SOX6: variants seen among roughly 807,000 people sequenced by gnomAD.
SOX6 encodes transcription factor SOX-6.
In SOX6, 11 loss-of-function variants were observed where a neutral mutation model predicts 97.8. That is an observed-to-expected ratio of 0.11 (90% CI 0.07 to 0.19). The LOEUF (loss-of-function observed/expected upper bound fraction) is 0.19, where lower values mean the gene tolerates loss of function less well. SOX6 is among the 10% of genes least tolerant of loss of function. The pLI, the probability that SOX6 is intolerant of heterozygous loss-of-function variation, is 1.00. For synonymous variants in SOX6, 360 were observed against 371.4 expected, an observed-to-expected ratio of 0.97 and a Z score of 0.35; for missense variants, 810 against 1,039.5, an observed-to-expected ratio of 0.78 and a Z score of 3.04.
intron 4 of SOX6, chr11:16,484,089 T>G: frequency 1.3e-6 from 1 of 770,098 alleles, no homozygotes; most frequent in Non-Finnish European, 2.4e-6. Context: ...GGACTTAACT[T>G]CTCCTGAATG....
intron 3 of SOX6, among the ~76,000 whole-genome samples, chr11:16,641,920 T>C (rs1204821012): frequency 6.6e-6 from 1 of 152,240 alleles, no homozygotes; most frequent in African/African-American, 2.4e-5. Flanking sequence ...AAGGTTAATA[T>C]TGTTATGTGT....
rs906892876 is a variant in SOX6 at position 16,538,098 on chromosome 11, G to T, written n.610-61710C>A. ...AGAGAAAGGTCGGGTTACCCACAAAGGGAAGCCCATAAGACTAACAGCAGA... is the reference window on the plus strand; with the variant it reads ...AGAGAAAGGTCGGGTTACCCACAAATGGAAGCCCATAAGACTAACAGCAGA... On this transcript the variant is annotated intron_variant and non_coding_transcript_variant, in intron 4 of 5. Coordinates refer to the SOX6 transcript ENST00000524520. Among the ~76,000 whole-genome samples the T allele has an allele frequency of 2.0e-5, 3 of 152,232 alleles. No homozygotes were observed. The East Asian group carries it at 5.8e-4, about 29-fold the overall frequency.
chr11:16,057,234 T>C (rs1428223907), intron 9 of SOX6, among the ~76,000 whole-genome samples: 2 of 152,162 alleles, frequency 1.3e-5, no homozygotes, highest in Non-Finnish European at 2.9e-5. Flanking sequence ...CCCATGCTTC[T>C]CTCTCCAATC....
intron 4 of SOX6, among the ~76,000 whole-genome samples, chr11:16,197,445 T>C (rs577345461): frequency 6.6e-6 from 1 of 152,334 alleles, no homozygotes; most frequent in African/African-American, 2.4e-5. Flanking sequence ...GCTGAGTATA[T>C]ATGATCAGGT....
intron 15 of SOX6, among the ~76,000 whole-genome samples, chr11:15,986,000 T>C (rs1374574917): frequency 6.6e-6 from 1 of 152,146 alleles, no homozygotes; most frequent in African/African-American, 2.4e-5. Flanking sequence ...GAGTGAACTG[T>C]TCCAGGTTTG....
At chr11:16,412,821 A>T (rs778508626) in intron 1 of SOX6, among the ~76,000 whole-genome samples, 5 of 152,198 alleles carry the variant, frequency 3.3e-5, no homozygotes, top group Non-Finnish European at 7.4e-5. Flanking sequence ...CAGTAGAAAG[A>T]CAGTGTTTCC....
chr11:16,421,863 C>T (rs1233957698), intron 1 of SOX6, among the ~76,000 whole-genome samples: 4 of 152,174 alleles, frequency 2.6e-5, no homozygotes, highest in Non-Finnish European at 5.9e-5. Flanking sequence ...TAGTCATTGC[C>T]CAACTTACTT....
At chr11:16,307,123 A>G (rs895754240) in intron 3 of SOX6, among the ~76,000 whole-genome samples, 2 of 152,210 alleles carry the variant, frequency 1.3e-5, no homozygotes, top group African/African-American at 4.8e-5. Flanking sequence ...AAAGTAATAT[A>G]AAATGGGGCT....
rs1407979574 is a variant in SOX6 at position 16,514,350 on chromosome 11, G to C, written n.610-37962C>G. Among the ~76,000 whole-genome samples, 3 of 152,086 alleles carry C rather than the reference G, an allele frequency of 2.0e-5. No homozygotes were observed. In the East Asian group the frequency reaches 5.8e-4, roughly 29 times the overall value. ...CAGTTATTTCACTAAAAGTAGGTCA[G>C]CCCAAAAGAAAACTGGTAAAAGCAG... On this transcript the variant is annotated intron_variant and non_coding_transcript_variant, in intron 4 of 5. Transcript: ENST00000524520.
intron 1 of SOX6, among the ~76,000 whole-genome samples, chr11:16,444,069 T>C (rs1859565904): frequency 6.6e-6 from 1 of 151,844 alleles, no homozygotes; most frequent in Non-Finnish European, 1.5e-5. Context: ...GTATTTTGTT[T>C]AAAAATTAGT....
chr11:16,487,197 T>A, intron 4 of SOX6, among the ~76,000 whole-genome samples: 1 of 152,306 alleles, frequency 6.6e-6, no homozygotes, highest in South Asian at 2.1e-4. Flanking sequence ...AAAATAATGA[T>A]TTTTTAAAAT....
chr11:15,986,102 T>C (rs1853828608), intron 15 of SOX6, 102 bp downstream of exon 15: 4 of 1,095,182 alleles, frequency 3.7e-6, no homozygotes, highest in Admixed American at 1.7e-5. Context: ...TGCCACAACC[T>C]CCTCTTTCCC....
chr11:16,692,089 GCGCGC>G (rs1226813696), intron 3 of SOX6, among the ~76,000 whole-genome samples: 1 of 72,900 alleles, frequency 1.4e-5, no homozygotes. Flanking sequence ...GTGTGTGTGT[GCGCGC>G]GCGCGCTTTC....
chr11:16,105,702 T>C (rs1849061614), intron 7 of SOX6, among the ~76,000 whole-genome samples: 2 of 152,128 alleles, frequency 1.3e-5, no homozygotes, highest in Admixed American at 1.3e-4. Flanking sequence ...GTGGAAGTGC[T>C]AGCCACTGCT....
At chr11:16,569,082 C>T (rs903609560) in intron 4 of SOX6, among the ~76,000 whole-genome samples, 14 of 152,178 alleles carry the variant, frequency 9.2e-5, no homozygotes, top group African/African-American at 2.7e-4. Flanking sequence ...AATTATCTTT[C>T]GCATCTTGAG....
intron 1 of SOX6, among the ~76,000 whole-genome samples, chr11:16,456,459 C>G (rs1041799379): frequency 4.6e-5 from 7 of 152,032 alleles, no homozygotes; most frequent in African/African-American, 1.7e-4. Context: ...GACTCTCAAC[C>G]AAGGAAACCA....
chr11:16,256,947 C>T (rs1247154909), intron 3 of SOX6, among the ~76,000 whole-genome samples: 1 of 151,740 alleles, frequency 6.6e-6, no homozygotes, highest in African/African-American at 2.4e-5. Context: ...ATGAAAAACA[C>T]ATTACCATTC....
rs1423729832 is a variant in SOX6, at chr11:16,437,573, T to C, written c.-5+38742A>G. 5.3e-5 allele frequency among the ~76,000 whole-genome samples: 8 copies of C among 152,250 alleles called. No homozygotes were observed. The East Asian group carries it at 1.5e-3, about 29-fold the overall frequency. ...TAAATACTAAGTAGTTTAGTTTCTC[T>C]ATCACCTTCTCTTGAGCAAGTCTCC... On this transcript the variant is annotated intron_variant, in intron 1 of 15. Coordinates refer to the SOX6 transcript ENST00000396356.
intron 1 of SOX6, among the ~76,000 whole-genome samples, chr11:16,475,701 A>G (rs1413624873): frequency 1.3e-5 from 2 of 152,230 alleles, no homozygotes; most frequent in Non-Finnish European, 2.9e-5. Context: ...AATTATGAAA[A>G]TGTAACAGAG....
Sources: allele counts gnomAD v4.1 joint callset (sites outside exome capture counted in the v4.1 genomes callset), GRCh38; gene constraint gnomAD v4.1.1; transcripts MANE v1.5; gene names NCBI Gene and HGNC (gene_info 2026-07-23, HGNC 2026-07-21).